Variants in DSG3 observed in about 807,000 individuals in gnomAD.
DSG3 encodes the protein desmoglein-3.
In DSG3, 63 loss-of-function variants were observed where a neutral mutation model predicts 85.9. That is an observed-to-expected ratio of 0.73 (90% CI 0.60 to 0.90). DSG3 has a LOEUF of 0.90. Among genes scored for constraint, DSG3 ranks in the 40% least tolerant of loss-of-function variants. The pLI is 0.00. For missense variants in DSG3, 1,220 were observed against 1,219.9 expected, an observed-to-expected ratio of 1.00 and a Z score of 0.00; for synonymous variants, 447 against 441.9, an observed-to-expected ratio of 1.01 and a Z score of -0.14.
At chr18:31,474,887 G>T (rs909585891) in intron 15 of DSG3, among the ~76,000 whole-genome samples, 8 of 152,148 alleles carry the variant, frequency 5.3e-5, no homozygotes, top group African/African-American at 1.7e-4. Context: ...AGAATTTCTA[G>T]CATCTTCTTT....
At chr18:31,454,665 A>G (rs1188110608) in intron 1 of DSG3, among the ~76,000 whole-genome samples, 1 of 148,638 alleles carries the variant, frequency 6.7e-6, no homozygotes, top group Non-Finnish European at 1.5e-5. Flanking sequence ...TCTTTGTACC[A>G]TTAGTTTGTT....
In DSG3 at chr18:31,472,341, C is replaced by T; in HGVS notation, c.1955C>T (p.Thr652Ile). The change falls in exon 13 of 16, where the codon ACA becomes ATA. Residue 652 changes from threonine to isoleucine, a missense_variant. Physicochemically the swap from Thr to Ile is moderately conservative, Grantham distance 89. Transcript: ENST00000257189. ...DCGAGSTGGV[T>I]GGFIPVPDGS... ...GGGGCAGGTTCTACTGGGGGAGTGA[C>T]AGGTGGTTTTATCCCAGTTCCTGAT... 6.2e-7 allele frequency: 1 copy of T among 1,614,104 alleles called. No individual in the cohort carries two copies. The highest frequency in any genetic ancestry group is 2.2e-5 in the East Asian group (1 of 44,884).
At chr18:31,454,175 A>C (rs1476382416) in intron 1 of DSG3, among the ~76,000 whole-genome samples, 1 of 152,198 alleles carries the variant, frequency 6.6e-6, no homozygotes, top group African/African-American at 2.4e-5. Context: ...TATTAGAAGA[A>C]TCATTCTCTG....
chr18:31,470,932 C>T (rs1415431788), intron 12 of DSG3, among the ~76,000 whole-genome samples: 1 of 152,210 alleles, frequency 6.6e-6, no homozygotes, highest in Non-Finnish European at 1.5e-5. Flanking sequence ...GGGCTACATA[C>T]ACATGCTGTG....
At chr18:31,456,746 G>A (rs996188992) in intron 2 of DSG3, among the ~76,000 whole-genome samples, 3 of 151,940 alleles carry the variant, frequency 2.0e-5, no homozygotes, top group African/African-American at 7.3e-5. Flanking sequence ...AAGATACTGT[G>A]GAGTATAAAA....
In DSG3 at chr18:31,474,362, T is replaced by A; in HGVS notation, c.2343T>A (p.Asp781Glu). The A allele has an allele frequency of 6.2e-7, 1 of 1,613,860 alleles. No individual in the cohort carries two copies. Among genetic ancestry groups the A allele is most frequent in the Non-Finnish European group, 8.5e-7 (1 of 1,179,816 alleles). Residue 781 changes from aspartate to glutamate, a missense_variant, in exon 15 of 16, where the codon GAT (aspartate) becomes GAA (glutamate). Physicochemically the swap from Asp to Glu is conservative, Grantham distance 45 (BLOSUM62 2). Transcript: ENST00000257189. ...GAGGAACCAATAAGGACTACGCTGA[T>A]GGGGCGATAAGCATGAATTTTCTGG... Reference protein sequence around the residue: ...STGGTNKDYADGAISMNFLDS... With the variant: ...STGGTNKDYAEGAISMNFLDS...
intron 3 of DSG3, among the ~76,000 whole-genome samples, chr18:31,458,022 AT>A (rs1385872446): frequency 6.6e-6 from 1 of 152,166 alleles, no homozygotes; most frequent in Non-Finnish European, 1.5e-5. Flanking sequence ...TTTAATACAT[AT>A]TTTAACCCTA....
chr18:31,466,339 A>T (rs565019664), intron 10 of DSG3, among the ~76,000 whole-genome samples, 191 bp from the exon 11 acceptor site: 71 of 152,324 alleles, frequency 4.7e-4, no homozygotes, highest in African/African-American at 1.6e-3. Context: ...ACATCAGCCT[A>T]TTTGGTAAAT....
At chr18:31,468,360 A>G (rs1206082283) in intron 11 of DSG3, among the ~76,000 whole-genome samples, 2 of 152,232 alleles carry the variant, frequency 1.3e-5, no homozygotes, top group Admixed American at 6.5e-5. Flanking sequence ...AAAGGGCCAC[A>G]CAAGTCCAAG....
chr18:31,474,505 G>C (rs974425704), intron 15 of DSG3, 101 bp downstream of exon 15: 7 of 1,367,870 alleles, frequency 5.1e-6, no homozygotes, highest in Non-Finnish European at 6.9e-6. Context: ...TTTACAGCTT[G>C]TTAAAATGCA....
chr18:31,467,982 G>A (rs2144281471), intron 11 of DSG3, among the ~76,000 whole-genome samples: 2 of 152,350 alleles, frequency 1.3e-5, no homozygotes, highest in Middle Eastern at 6.8e-3. Context: ...ATCAGAGAGG[G>A]CCGGGATGTG....
intron 1 of DSG3, among the ~76,000 whole-genome samples, chr18:31,451,070 A>C (rs1014612278): frequency 1.3e-5 from 2 of 152,172 alleles, no homozygotes; most frequent in Non-Finnish European, 2.9e-5. Flanking sequence ...ACTGTCTACT[A>C]TTGAAAAAAA....
Position 31,464,294 on chromosome 18 carries a change from G to A in DSG3, c.1183G>A (p.Gly395Ser), listed in dbSNP as rs1434399810. ...TTCCAAGACATTTACTGTGCAAAAA[G>A]GCATAAGTAGCAAAAAATTGGTGGA... ...PASKTFTVQK[G>S]ISSKKLVDYI... The change falls in exon 9 of 16, where the codon GGC becomes AGC. Residue 395 changes from glycine (G) to serine (S), a missense_variant. Transcript: ENST00000257189. 1.2e-6 allele frequency: 2 copies of A among 1,613,958 alleles called. No individual in the cohort carries two copies. The highest frequency in any genetic ancestry group is 1.3e-5 in the African/African-American group (1 of 74,898).
At chr18:31,465,719 A>T (rs2072814020) in intron 10 of DSG3, among the ~76,000 whole-genome samples, 1 of 152,192 alleles carries the variant, frequency 6.6e-6, no homozygotes, top group South Asian at 2.1e-4. Flanking sequence ...TTTTTGACTG[A>T]CAGAAATCCC....
intron 4 of DSG3, 75 bp downstream of exon 4, chr18:31,458,675 T>G: frequency 6.6e-7 from 1 of 1,507,784 alleles, no homozygotes; most frequent in South Asian, 1.3e-5. Context: ...AGTTTTCTAC[T>G]GGTAAATTTA....
Position 31,459,849 on chromosome 18 carries a change from A to T in DSG3, c.522A>T (p.Ser174=). Residue 174 remains serine, a synonymous_variant, in exon 6 of 16, where the codon TCA becomes TCT. Transcript: ENST00000257189. ...GEIEENSASN[S]LVMILNATDA... ...AACGTTTTCCTGTATTCCTAGACTC[A>T]CTGGTGATGATACTAAATGCCACAG... 6.2e-7 allele frequency: 1 copy of T among 1,613,128 alleles called. No individual in the cohort carries two copies. Among genetic ancestry groups the T allele is most frequent in the Non-Finnish European group, 8.5e-7 (1 of 1,179,460 alleles).
rs766612942 is a variant in DSG3, at chr18:31,469,134, T to C, written c.1682T>C (p.Val561Ala). 5 of 1,614,122 alleles carry C rather than the reference T, an allele frequency of 3.1e-6. No homozygotes were observed. In the East Asian group the frequency reaches 6.7e-5, roughly 22 times the overall value. The change falls in exon 12 of 16, where the codon GTA becomes GCA. Residue 561 changes from valine (V) to alanine (A), a missense_variant. Transcript: ENST00000257189. Reference sequence around the variant, plus strand: ...GCCCAGGAACAGATACCTCCTGGAGTATACCACATCTCCCTGGTACTTACA... The same window carrying C: ...GCCCAGGAACAGATACCTCCTGGAGCATACCACATCTCCCTGGTACTTACA... ...LRAQEQIPPG[V>A]YHISLVLTDS...
At chr18:31,465,024 C>T (rs1433684084) in intron 9 of DSG3, among the ~76,000 whole-genome samples, 2 of 151,330 alleles carry the variant, frequency 1.3e-5, no homozygotes, top group Non-Finnish European at 2.9e-5. Context: ...CCCAGCTACT[C>T]GGGAGGCTGA....
intron 14 of DSG3, 119 bp from the exon 15 acceptor site, chr18:31,474,002 G>T (rs758535879): frequency 1.4e-5 from 13 of 926,316 alleles, no homozygotes; most frequent in Non-Finnish European, 2.1e-5. Context: ...TCATATAATT[G>T]TATTTTCTCC....
Sources: gnomAD v4.1 joint callset for allele counts (sites outside exome capture counted in the v4.1 genomes callset) on GRCh38, gnomAD v4.1.1 for gene constraint, MANE v1.5 for transcripts, NCBI Gene and HGNC (gene_info 2026-07-23, HGNC 2026-07-21) for gene names.